The following DPH6 variants were observed in gnomAD, a reference collection of about 807,000 sequenced individuals.
DPH6 encodes the protein diphthine--ammonia ligase.
Under a neutral mutation model 38.2 loss-of-function variants are expected in DPH6, and 33 were observed. That is an observed-to-expected ratio of 0.86 (90% CI 0.65 to 1.15). DPH6 has a LOEUF of 1.15. Ranked by LOEUF, DPH6 falls within the 50% of genes most tolerant of loss-of-function variation. The pLI, the probability that DPH6 is intolerant of heterozygous loss-of-function variation, is 0.00. For missense variants in DPH6, 325 were observed against 320.0 expected, an observed-to-expected ratio of 1.02 and a Z score of -0.12; for synonymous variants, 108 against 103.0, an observed-to-expected ratio of 1.05 and a Z score of -0.30.
chr15:35,261,075 T>A (rs563472614), intron 3 of DPH6, among the ~76,000 whole-genome samples: 1 of 152,352 alleles, frequency 6.6e-6, no homozygotes, highest in East Asian at 1.9e-4. Flanking sequence ...CAGTTCCTGT[T>A]GGAATTTATT....
chr15:35,168,695 A>G, the DPH6 span, among the ~76,000 whole-genome samples: 1 of 152,152 alleles, frequency 6.6e-6, no homozygotes, highest in Non-Finnish European at 1.5e-5. Flanking sequence ...CAAAATGAGT[A>G]TAATTTATTC....
chr15:35,467,977 G>C (rs2141119488), intron 3 of DPH6, among the ~76,000 whole-genome samples: 1 of 152,238 alleles, frequency 6.6e-6, no homozygotes, highest in East Asian at 1.9e-4. Flanking sequence ...CCGTATACAT[G>C]GTCCTTTGTT....
chr15:35,211,269 G>T, the DPH6 span, among the ~76,000 whole-genome samples: 3 of 152,042 alleles, frequency 2.0e-5, no homozygotes, highest in African/African-American at 7.2e-5. Flanking sequence ...ATTTAATAGA[G>T]ACTTTGCTAA....
At chr15:35,203,201 G>A in the DPH6 span, among the ~76,000 whole-genome samples, 2 of 151,560 alleles carry the variant, frequency 1.3e-5, no homozygotes, top group Admixed American at 6.6e-5. Context: ...AGTATCTCAT[G>A]TATTTAAAAT....
chr15:35,425,703 G>C (rs1033401473), intron 5 of DPH6, among the ~76,000 whole-genome samples: 2 of 149,892 alleles, frequency 1.3e-5, no homozygotes, highest in Admixed American at 1.3e-4. Flanking sequence ...GTGTGTGTGT[G>C]TATGGGTGTG....
At chr15:35,183,541 G>C in the DPH6 span, among the ~76,000 whole-genome samples, 2 of 152,172 alleles carry the variant, frequency 1.3e-5, no homozygotes, top group Non-Finnish European at 2.9e-5. Flanking sequence ...AATAATTACA[G>C]ATTATAAAGT....
At chr15:35,492,382 C>A (rs2054495278) in intron 3 of DPH6, among the ~76,000 whole-genome samples, 1 of 152,102 alleles carries the variant, frequency 6.6e-6, no homozygotes, top group Admixed American at 6.6e-5. Context: ...TATTCATTTA[C>A]CTGTTATGTG....
chr15:35,270,188 A>G (rs1221440464), intron 3 of DPH6, among the ~76,000 whole-genome samples: 7 of 152,230 alleles, frequency 4.6e-5, no homozygotes, highest in Admixed American at 3.3e-4. Flanking sequence ...AGCAACCAAA[A>G]GAATGGTATC....
intron 3 of DPH6, among the ~76,000 whole-genome samples, chr15:35,496,249 C>T (rs889849626): frequency 1.3e-5 from 2 of 151,836 alleles, no homozygotes; most frequent in African/African-American, 4.8e-5. Flanking sequence ...TGAAAAAGGA[C>T]TTGTATTAAA....
Position 35,375,623 on chromosome 15 carries a change from C to G in DPH6, c.663-2015G>C, listed in dbSNP as rs377478932. Among the ~76,000 whole-genome samples, 52 of 152,214 alleles carry G rather than the reference C, an allele frequency of 3.4e-4. No individual in the cohort carries two copies. In the South Asian group the frequency reaches 0.011, roughly 31 times the overall value. On this transcript the variant is annotated intron_variant, in intron 7 of 8. Transcript: ENST00000256538. ...GCTGGCTGTCCTCCTTTCCTTTCTC[C>G]ATTAATCAGTGTAGCAGTTACCACC...
At chr15:35,170,082 T>C in the DPH6 span, among the ~76,000 whole-genome samples, 2 of 152,210 alleles carry the variant, frequency 1.3e-5, no homozygotes, top group Non-Finnish European at 2.9e-5. Flanking sequence ...GATAAAGGAA[T>C]AGTACATCAA....
chr15:35,339,987 G>T (rs2052407859), intron 3 of DPH6, among the ~76,000 whole-genome samples: 1 of 152,090 alleles, frequency 6.6e-6, no homozygotes, highest in Non-Finnish European at 1.5e-5. Flanking sequence ...GGGTGTTAAA[G>T]TCTCCCACTA....
chr15:35,270,740 T>C (rs570581230), intron 3 of DPH6, among the ~76,000 whole-genome samples: 1 of 152,324 alleles, frequency 6.6e-6, no homozygotes, highest in African/African-American at 2.4e-5. Context: ...CCTAGAAGGA[T>C]CTAGTCCACT....
chr15:35,521,242 T>C, intron 3 of DPH6: 1 of 985,854 alleles, frequency 1.0e-6, no homozygotes, highest in Non-Finnish European at 1.2e-6. Flanking sequence ...AAGGCAGTTC[T>C]AGTCACAGGT....
chr15:35,493,126 C>A (rs559062844), intron 3 of DPH6, among the ~76,000 whole-genome samples: 33 of 152,098 alleles, frequency 2.2e-4, no homozygotes, highest in Non-Finnish European at 4.1e-4. Context: ...CATTTGCAAT[C>A]AAAATAAAGC....
chr15:35,506,103 T>G (rs897510833), intron 3 of DPH6, among the ~76,000 whole-genome samples: 1 of 152,106 alleles, frequency 6.6e-6, no homozygotes, highest in African/African-American at 2.4e-5. Flanking sequence ...TCATGTAAAG[T>G]TTACTTTTCT....
At chr15:35,279,137 T>C (rs1422114198) in intron 3 of DPH6, among the ~76,000 whole-genome samples, 1 of 151,336 alleles carries the variant, frequency 6.6e-6, no homozygotes, top group Non-Finnish European at 1.5e-5. Flanking sequence ...CAGACTTGTG[T>C]GGGGCCTATT....
At chr15:35,205,588 T>G in the DPH6 span, among the ~76,000 whole-genome samples, 1 of 152,106 alleles carries the variant, frequency 6.6e-6, no homozygotes, top group Non-Finnish European at 1.5e-5. Context: ...AGTTTCTATT[T>G]GATTAGTGGG....
chr15:35,248,988 A>G (rs1326245809), intron 3 of DPH6, among the ~76,000 whole-genome samples: 6 of 152,230 alleles, frequency 3.9e-5, no homozygotes, highest in Non-Finnish European at 8.8e-5. Context: ...TGTTTAAAGT[A>G]TCAGCATAAC....
Sources: gnomAD v4.1 joint callset for allele counts (sites outside exome capture counted in the v4.1 genomes callset) on GRCh38, gnomAD v4.1.1 for gene constraint, MANE v1.5 for transcripts, NCBI Gene and HGNC (gene_info 2026-07-23, HGNC 2026-07-21) for gene names.